XKR6: variants seen among roughly 807,000 people sequenced by gnomAD.
XKR6 encodes the protein XK related 6.
A neutral mutation model predicts 56.7 loss-of-function variants in XKR6; 22 were observed. That is an observed-to-expected ratio of 0.39 (90% CI 0.28 to 0.55). The LOEUF is 0.55. XKR6 is among the 20% of genes least tolerant of loss of function. XKR6 has a pLI of 0.66. For synonymous variants in XKR6, 524 were observed against 387.8 expected (o/e 1.35, Z -4.13); for missense variants, 852 against 889.0 (o/e 0.96, Z 0.53).
At chr8:11,148,423 C>G (rs1227819508) in intron 1 of XKR6, among the ~76,000 whole-genome samples, 3 of 152,204 alleles carry the variant, frequency 2.0e-5, no homozygotes, top group African/African-American at 7.2e-5. Flanking sequence ...AACCAATGCT[C>G]CTGGCACCTT....
At chr8:11,162,127 G>A (rs1252332207) in intron 1 of XKR6, among the ~76,000 whole-genome samples, 1 of 152,134 alleles carries the variant, frequency 6.6e-6, no homozygotes, top group Non-Finnish European at 1.5e-5. Context: ...TGCTTACACA[G>A]GGACCCACCT....
chr8:10,961,024 G>A (rs1802044145), intron 1 of XKR6, among the ~76,000 whole-genome samples: 1 of 152,150 alleles, frequency 6.6e-6, no homozygotes, highest in Admixed American at 6.5e-5. Context: ...GAACCAGCCA[G>A]GCAAAGATCG....
chr8:11,101,756 T>C (rs950502105), intron 1 of XKR6, among the ~76,000 whole-genome samples: 1 of 152,194 alleles, frequency 6.6e-6, no homozygotes, highest in African/African-American at 2.4e-5. Context: ...CTAAGCACCC[T>C]TGCATTTGAC....
At chr8:11,027,739 G>A (rs114083471) in intron 1 of XKR6, among the ~76,000 whole-genome samples, 2 of 152,204 alleles carry the variant, frequency 1.3e-5, no homozygotes, top group East Asian at 1.9e-4. Context: ...TTGTGGGTAA[G>A]AACAGAAGGA....
intron 1 of XKR6, among the ~76,000 whole-genome samples, chr8:10,963,129 C>G (rs972013825): frequency 1.8e-4 from 27 of 152,334 alleles, no homozygotes; most frequent in African/African-American, 5.8e-4. Flanking sequence ...CCAGGGGCAG[C>G]CAGTTCAGAG....
At chr8:11,164,033 T>A (rs1421364137) in intron 1 of XKR6, among the ~76,000 whole-genome samples, 1 of 152,190 alleles carries the variant, frequency 6.6e-6, no homozygotes, top group African/African-American at 2.4e-5. Context: ...GGGGGGCCAC[T>A]CTCATGCTGA....
At chr8:11,117,524 A>ATC (rs1292019495) in intron 1 of XKR6, among the ~76,000 whole-genome samples, 1 of 152,236 alleles carries the variant, frequency 6.6e-6, no homozygotes, top group East Asian at 1.9e-4. Flanking sequence ...CAGCATCTCT[A>ATC]TCTTCATTCC....
chr8:11,014,840 A>C (rs1262059481), intron 1 of XKR6, among the ~76,000 whole-genome samples: 2 of 152,138 alleles, frequency 1.3e-5, no homozygotes, highest in African/African-American at 4.8e-5. Flanking sequence ...CTGAATCCAA[A>C]ATTAATAATG....
At chr8:10,929,249 T>C (rs1800990197) in intron 1 of XKR6, among the ~76,000 whole-genome samples, 1 of 152,254 alleles carries the variant, frequency 6.6e-6, no homozygotes, top group Non-Finnish European at 1.5e-5. Context: ...TTATGGGCAT[T>C]TGGCACATAT....
At chr8:10,960,590 C>G (rs920545820) in intron 1 of XKR6, among the ~76,000 whole-genome samples, 1 of 152,216 alleles carries the variant, frequency 6.6e-6, no homozygotes, top group African/African-American at 2.4e-5. Flanking sequence ...CTTATTTGAT[C>G]CTCAACACAG....
chr8:11,186,973 G>GA (rs1025459926), intron 1 of XKR6, among the ~76,000 whole-genome samples: 9 of 152,092 alleles, frequency 5.9e-5, no homozygotes, highest in African/African-American at 2.2e-4. Context: ...AAAAGAAAGA[G>GA]AAAAAAACCA....
At chr8:10,941,265 G>C (rs559714767) in intron 1 of XKR6, among the ~76,000 whole-genome samples, 2 of 152,212 alleles carry the variant, frequency 1.3e-5, no homozygotes, top group East Asian at 3.9e-4. Flanking sequence ...CTGTCTGCAG[G>C]TTGGTTCCCT....
chr8:10,896,724 ATG>A lies in XKR6; in HGVS notation c.*1226_*1227del, dbSNP rs1171768198. 6.6e-6 allele frequency: 1 copy of A among 150,802 alleles called. No homozygotes were observed. Among genetic ancestry groups the A allele is most frequent in the East Asian group, 1.9e-4 (1 of 5,180 alleles). 9.3% of individuals were successfully genotyped at this position (150,802 alleles called of 1,614,324 possible). A position where few individuals can be genotyped will look rare whatever the true frequency, so the allele number is the denominator to read the frequency against. On this transcript the variant is annotated 3_prime_UTR_variant, in exon 3 of 3. Coordinates refer to ENST00000416569, the MANE Select transcript of XKR6 (RefSeq NM_173683.4). ...ATTACAATTTTGACTTTTTATATATATGTATATATATATATATATTCTAGTTT... is the reference window on the plus strand; with the variant it reads ...ATTACAATTTTGACTTTTTATATATATATATATATATATATATTCTAGTTT...
At chr8:11,113,980 C>T (rs187709092) in intron 1 of XKR6, 1 of 354,882 alleles carries the variant, frequency 2.8e-6, no homozygotes, top group East Asian at 8.6e-5. Flanking sequence ...TGCCATTTAC[C>T]ATGCGGGCTG....
intron 1 of XKR6, among the ~76,000 whole-genome samples, chr8:11,116,428 T>C (rs141908038): frequency 1.3e-5 from 2 of 152,302 alleles, no homozygotes; most frequent in East Asian, 1.9e-4. Flanking sequence ...TGGAATGCAG[T>C]GACACAATCT....
At chr8:11,173,180 C>CAA (rs1283535620) in intron 1 of XKR6, among the ~76,000 whole-genome samples, 7 of 120,258 alleles carry the variant, frequency 5.8e-5, no homozygotes, top group African/African-American at 2.1e-4. Context: ...CTAAAAAATA[C>CAA]AAAAAAAAAA....
chr8:10,956,693 G>A (rs982671659), intron 1 of XKR6, among the ~76,000 whole-genome samples: 6 of 152,046 alleles, frequency 3.9e-5, no homozygotes, highest in Admixed American at 1.3e-4. Context: ...GGGAAGCATC[G>A]TGCCAATGGT....
chr8:11,063,867 G>A (rs1222411351), intron 1 of XKR6, among the ~76,000 whole-genome samples: 1 of 152,108 alleles, frequency 6.6e-6, no homozygotes, highest in Non-Finnish European at 1.5e-5. Flanking sequence ...CTCGACACTG[G>A]GATTTAACTG....
chr8:11,039,696 T>A (rs2129155315), intron 1 of XKR6, among the ~76,000 whole-genome samples: 1 of 152,218 alleles, frequency 6.6e-6, no homozygotes, highest in East Asian at 1.9e-4. Flanking sequence ...TCCCACCAAT[T>A]CCCATCTGTA....
Sources: gnomAD v4.1 joint callset for allele counts (sites outside exome capture counted in the v4.1 genomes callset) on GRCh38, gnomAD v4.1.1 for gene constraint, MANE v1.5 for transcripts, NCBI Gene and HGNC (gene_info 2026-07-23, HGNC 2026-07-21) for gene names.